FHOD3: variants seen among roughly 807,000 people sequenced by gnomAD.
FHOD3 encodes formin homology 2 domain containing 3, also known as FH1/FH2 domain-containing protein 3.
A neutral mutation model predicts 173.0 loss-of-function variants in FHOD3; 90 were observed. That is an observed-to-expected ratio of 0.52 (90% CI 0.44 to 0.62). The LOEUF (loss-of-function observed/expected upper bound fraction) is 0.62. FHOD3 is among the 20% of genes least tolerant of loss of function. FHOD3 has a pLI of 0.00. For missense variants in FHOD3, 1,945 were observed against 2,034.7 expected (o/e 0.96, Z 0.85); for synonymous variants, 828 against 823.0 (o/e 1.01, Z -0.10).
chr18:36,371,578 C>G (rs1555683591), intron 2 of FHOD3, among the ~76,000 whole-genome samples: 1 of 152,192 alleles, frequency 6.6e-6, no homozygotes, highest in Non-Finnish European at 1.5e-5. Flanking sequence ...TGGGTGGAGA[C>G]ACAACCAAAT....
At chr18:36,299,386 G>A (rs2091897355) in intron 1 of FHOD3, among the ~76,000 whole-genome samples, 1 of 152,124 alleles carries the variant, frequency 6.6e-6, no homozygotes, top group East Asian at 1.9e-4. Flanking sequence ...AAATTATTTG[G>A]TTCTTCTCAA....
intron 28 of FHOD3, among the ~76,000 whole-genome samples, chr18:36,774,061 G>A (rs1382951736): frequency 1.3e-5 from 2 of 152,156 alleles, no homozygotes; most frequent in African/African-American, 4.8e-5. Context: ...CTTAGTTTAG[G>A]TAGATTGTCC....
At chr18:36,669,354 A>T (rs1366431324) in intron 14 of FHOD3, among the ~76,000 whole-genome samples, 3 of 151,896 alleles carry the variant, frequency 2.0e-5, no homozygotes. Context: ...TGTAGGCAAT[A>T]TAGTGTTGAA....
At chr18:36,655,905 T>C (rs2036396642) in intron 13 of FHOD3, among the ~76,000 whole-genome samples, 1 of 152,254 alleles carries the variant, frequency 6.6e-6, no homozygotes, top group African/African-American at 2.4e-5. Context: ...ACATTCTGCT[T>C]GTTTTATTTC....
At chr18:36,308,301 T>C (rs2092157370) in intron 1 of FHOD3, among the ~76,000 whole-genome samples, 1 of 152,220 alleles carries the variant, frequency 6.6e-6, no homozygotes, top group African/African-American at 2.4e-5. Context: ...TCATCTTGGA[T>C]AGGAGCAGTT....
chr18:36,741,883 A>G (rs1470915875), intron 21 of FHOD3, among the ~76,000 whole-genome samples: 1 of 152,034 alleles, frequency 6.6e-6, no homozygotes, highest in East Asian at 1.9e-4. Flanking sequence ...GGACTTTAGA[A>G]GGGAACTACA....
At chr18:36,493,606 T>C (rs2054584673) in intron 3 of FHOD3, among the ~76,000 whole-genome samples, 1 of 152,196 alleles carries the variant, frequency 6.6e-6, no homozygotes, top group Non-Finnish European at 1.5e-5. Flanking sequence ...AGAGTTGTTT[T>C]TCACCAACTC....
chr18:36,764,681 A>G (rs1033774310), intron 27 of FHOD3, among the ~76,000 whole-genome samples: 4 of 152,200 alleles, frequency 2.6e-5, no homozygotes, highest in African/African-American at 7.2e-5. Context: ...GGGTTTGTAC[A>G]ACATGGGGTC....
At chr18:36,655,767 A>C (rs2149157414) in intron 13 of FHOD3, among the ~76,000 whole-genome samples, 1 of 142,704 alleles carries the variant, frequency 7.0e-6, no homozygotes, top group South Asian at 2.5e-4. Flanking sequence ...ACACACACAC[A>C]CACACAAAAA....
At chr18:36,765,383 A>G (rs1008237699) in intron 27 of FHOD3, among the ~76,000 whole-genome samples, 2 of 152,198 alleles carry the variant, frequency 1.3e-5, no homozygotes, top group Admixed American at 1.3e-4. Flanking sequence ...GAGGAAAATA[A>G]TGCTGACTTC....
rs1477155172 is a variant in FHOD3 at position 36,594,859 on chromosome 18, C to A, written c.679C>A (p.Leu227Ile). ...AGAGTACTCGGAGTCCAACGCACCT[C>A]TCCTAATTCAGGCTGTCACTGCTGT... ...FVEYSESNAP[L>I]LIQAVTAVDT... Residue 227 changes from leucine to isoleucine, a missense_variant, in exon 7 of 29, where the codon CTC becomes ATC. This residue lies in a region of FHOD3 where 16 missense variants were observed against 34.0 expected (regional missense o/e 0.47). Coordinates refer to ENST00000590592, the MANE Select transcript of FHOD3 (RefSeq NM_001281740.3). The A allele has an allele frequency of 6.2e-7, 1 of 1,613,912 alleles. No homozygotes were observed. The highest frequency in any genetic ancestry group is 1.3e-5 in the African/African-American group (1 of 75,018).
chr18:36,690,485 A>G (rs938417568), intron 16 of FHOD3, among the ~76,000 whole-genome samples: 4 of 152,114 alleles, frequency 2.6e-5, no homozygotes, highest in Admixed American at 2.6e-4. Context: ...ATTGGGCCCC[A>G]TAGCACTTAA....
chr18:36,426,752 G>A (rs1200480940), intron 3 of FHOD3, among the ~76,000 whole-genome samples: 1 of 152,184 alleles, frequency 6.6e-6, no homozygotes, highest in Non-Finnish European at 1.5e-5. Flanking sequence ...TCACATATGA[G>A]TTTAGTGTAA....
intron 3 of FHOD3, among the ~76,000 whole-genome samples, chr18:36,373,605 G>A (rs886446568): frequency 2.0e-5 from 3 of 152,196 alleles, no homozygotes; most frequent in Admixed American, 1.3e-4. Context: ...GAGGTTGCAA[G>A]TGTCTTGAGT....
intron 5 of FHOD3, among the ~76,000 whole-genome samples, chr18:36,528,513 T>C (rs1483283020): frequency 6.6e-6 from 1 of 152,186 alleles, no homozygotes; most frequent in Admixed American, 6.5e-5. Context: ...CGAAGGGCAA[T>C]TTCATGATGT....
intron 5 of FHOD3, among the ~76,000 whole-genome samples, chr18:36,559,809 T>C (rs1376118918): frequency 6.6e-6 from 1 of 152,006 alleles, no homozygotes; most frequent in African/African-American, 2.4e-5. Context: ...CTAGGGCCCC[T>C]CCCAAGGTCT....
chr18:36,297,728 C>G lies in FHOD3; in HGVS notation c.-108C>G. 1.2e-6 allele frequency: 1 copy of G among 857,632 alleles called. No homozygotes were observed. The highest frequency in any genetic ancestry group is 1.5e-6 in the Non-Finnish European group (1 of 668,442). 53.1% of individuals were successfully genotyped at this position (857,632 alleles called of 1,614,324 possible). On this transcript the variant is annotated 5_prime_UTR_variant, in exon 1 of 29. Transcript: ENST00000590592. ...CGGCGCGCCTGAGCCTGCGAGTCCGCGAGCCAGCGAGCTGCGGCTGCGGCC... is the reference window on the plus strand; with the variant it reads ...CGGCGCGCCTGAGCCTGCGAGTCCGGGAGCCAGCGAGCTGCGGCTGCGGCC...
intron 8 of FHOD3, among the ~76,000 whole-genome samples, chr18:36,611,129 C>G (rs924935556): frequency 6.6e-6 from 1 of 152,180 alleles, no homozygotes; most frequent in Non-Finnish European, 1.5e-5. Context: ...TTCTAAATTT[C>G]ATAGACCACG....
chr18:36,678,041 T>C (rs1028760396), intron 14 of FHOD3, among the ~76,000 whole-genome samples: 2 of 152,214 alleles, frequency 1.3e-5, no homozygotes, highest in African/African-American at 4.8e-5. Flanking sequence ...AGACTCTTAA[T>C]AAAATAACAT....
Sources: gnomAD v4.1 joint callset for allele counts (sites outside exome capture counted in the v4.1 genomes callset) on GRCh38, gnomAD v4.1.1 for gene constraint, gnomAD v4.1.1 regional missense constraint, MANE v1.5 for transcripts, NCBI Gene and HGNC (gene_info 2026-07-23, HGNC 2026-07-21) for gene names.